GRIP2: variants seen among roughly 807,000 people sequenced by gnomAD.
The protein encoded by GRIP2 is glutamate receptor interacting protein 2.
GRIP2 carries 58 observed loss-of-function variants against 108.3 expected under a neutral mutation model. The observed-to-expected ratio is 0.54, with a 90% confidence interval of 0.43 to 0.67. GRIP2 has a LOEUF of 0.67. Among genes scored for constraint, GRIP2 ranks in the 30% least tolerant of loss-of-function variants. GRIP2 has a pLI of 0.00. For synonymous variants in GRIP2, 586 were observed against 598.2 expected, an observed-to-expected ratio of 0.98 and a Z score of 0.30; for missense variants, 1,278 against 1,430.6, an observed-to-expected ratio of 0.89 and a Z score of 1.72.
At chr3:14,569,672 C>T in the GRIP2 span, among the ~76,000 whole-genome samples, 1 of 152,168 alleles carries the variant, frequency 6.6e-6, no homozygotes, top group African/African-American at 2.4e-5. Flanking sequence ...CATGCCAGCG[C>T]CGCTTCCTCC....
chr3:14,507,122 A>G lies in GRIP2; in HGVS notation c.2219-142T>C. 1.3e-6 allele frequency: 1 copy of G among 799,564 alleles called. No individual in the cohort carries two copies. The highest frequency in any genetic ancestry group is 2.0e-6 in the Non-Finnish European group (1 of 508,368). 49.5% of individuals were successfully genotyped at this position (799,564 alleles called of 1,614,324 possible). ...ATGACCATGGCACACTAATAAGCAA[A>G]CCTGTTTCACAGATGGGAAAACTGA... On this transcript the variant is annotated intron_variant, in intron 18 of 23. Transcript: ENST00000621039. The surrounding 1 kb of genome is among the most constrained non-coding windows in gnomAD (Gnocchi z 4.6).
upstream of GRIP2, chr3:14,556,084 G>A (rs1050366324): frequency 2.8e-5 from 11 of 397,968 alleles, no homozygotes; most frequent in Non-Finnish European, 4.9e-5. Context: ...CCCTTCCTCC[G>A]CCCTCCCGGA....
Position 14,522,908 on chromosome 3 carries a change from G to T in GRIP2, c.566+92C>A. On this transcript the variant is annotated intron_variant, in intron 6 of 23. Transcript: ENST00000621039. The surrounding 1 kb of genome is among the most constrained non-coding windows in gnomAD (Gnocchi z 4.3). ...CCTCAGGGCCTCGATCTCTTCATCTGGGGAAGGGGCATGGTGACCCCACTC... is the reference window on the plus strand; with the variant it reads ...CCTCAGGGCCTCGATCTCTTCATCTTGGGAAGGGGCATGGTGACCCCACTC... The T allele has an allele frequency of 9.6e-7, 1 of 1,038,050 alleles. No homozygotes were observed. 64.3% of individuals were successfully genotyped at this position (1,038,050 alleles called of 1,614,324 possible). A position where few individuals can be genotyped will look rare whatever the true frequency, so the allele number is the denominator to read the frequency against.
Position 14,525,490 on chromosome 3 carries a change from G to C in GRIP2, c.204C>G (p.Asp68Glu). The change falls in exon 3 of 24, where the codon GAC becomes GAG. Residue 68 changes from aspartate to glutamate, a missense_variant. Physicochemically the swap from Asp to Glu is conservative, Grantham distance 45 (BLOSUM62 2). Coordinates refer to ENST00000621039, the MANE Select transcript of GRIP2 (RefSeq NM_001080423.4). Reference protein sequence around the residue: ...TLGLTISGGTDKDGKPRVSNL... With the variant: ...TLGLTISGGTEKDGKPRVSNL... ...TGGAGACCCTGGGCTTTCCATCCTT[G>C]TCGGTGCCACCTGAGATAGTCAGGC... The C allele has an allele frequency of 6.2e-7, 1 of 1,613,616 alleles. No homozygotes were observed. Among genetic ancestry groups the C allele is most frequent in the Non-Finnish European group, 8.5e-7 (1 of 1,179,836 alleles).
chr3:14,505,621 G>A lies in GRIP2; in HGVS notation c.2567C>T (p.Pro856Leu). ...CGGTGCTCCCACCACAGACCTCGTTGGCGGCTCCCAATCATCCTCCTCCTC... is the reference window on the plus strand; with the variant it reads ...CGGTGCTCCCACCACAGACCTCGTTAGCGGCTCCCAATCATCCTCCTCCTC... Reference protein sequence around the residue: ...EEEEEDDWEPPTSPAPGPARE... With the variant: ...EEEEEDDWEPLTSPAPGPARE... Residue 856 changes from proline (P) to leucine (L), a missense_variant, in exon 20 of 24, where the codon CCA becomes CTA. By Grantham distance (98) the Pro-to-Leu change is moderately conservative. Coordinates refer to ENST00000621039, the MANE Select transcript of GRIP2 (RefSeq NM_001080423.4). This position sits in a 1 kb window ranked among gnomAD's most constrained non-coding sequence, Gnocchi z 4.2. 4 of 1,610,028 alleles carry A rather than the reference G, an allele frequency of 2.5e-6. No homozygotes were observed. The highest frequency in any genetic ancestry group is 3.4e-6 in the Non-Finnish European group (4 of 1,178,228).
Position 14,499,166 on chromosome 3 carries a change from A to G in GRIP2, c.2680-2606T>C, listed in dbSNP as rs146610799. Among the ~76,000 whole-genome samples the G allele has an allele frequency of 1.4e-3, 213 of 152,296 alleles. 3 individuals carry two copies. The highest frequency in any genetic ancestry group is 5.0e-3 in the African/African-American group (208 of 41,556). On this transcript the variant is annotated intron_variant, in intron 21 of 23. Coordinates refer to ENST00000621039, the MANE Select transcript of GRIP2 (RefSeq NM_001080423.4). ...GGTGGGGCCGGAATCTGCCTTCCAC[A>G]ATAGTGCAGAAACACTGAGCTGAGG...
chr3:14,494,836 G>A lies in GRIP2; in HGVS notation c.2970+7C>T, dbSNP rs1202188162. The A allele has an allele frequency of 1.2e-6, 2 of 1,609,344 alleles. No homozygotes were observed. Among genetic ancestry groups the A allele is most frequent in the South Asian group, 1.1e-5 (1 of 90,700 alleles). ...CCCCCACTATGGAGCCCCTGCCCCA[G>A]CATTACCTGCAGGACCCTGTCGAAG... On this transcript the variant is annotated splice_region_variant and intron_variant, in intron 23 of 23. Coordinates refer to ENST00000621039, the MANE Select transcript of GRIP2 (RefSeq NM_001080423.4).
At chr3:14,572,446 A>G in the GRIP2 span, among the ~76,000 whole-genome samples, 1 of 150,894 alleles carries the variant, frequency 6.6e-6, no homozygotes. Context: ...CCCCGTCTCT[A>G]CTAAAAATAC....
intron 9 of GRIP2, among the ~76,000 whole-genome samples, chr3:14,519,078 G>A (rs929057256): frequency 6.6e-6 from 1 of 152,216 alleles, no homozygotes; most frequent in Non-Finnish European, 1.5e-5. Flanking sequence ...GAGGCGTGCA[G>A]GCCGCGGCAC....
At chr3:14,559,553 G>A (rs904980285), upstream of GRIP2, among the ~76,000 whole-genome samples, 3 of 151,978 alleles carry the variant, frequency 2.0e-5, no homozygotes, top group African/African-American at 2.4e-5. Context: ...GGCAGTGGTC[G>A]GTGTATTTCT....
At chr3:14,528,487 C>T (rs1694622132) in intron 1 of GRIP2, among the ~76,000 whole-genome samples, 1 of 152,098 alleles carries the variant, frequency 6.6e-6, no homozygotes, top group Non-Finnish European at 1.5e-5. Flanking sequence ...CATTTTGCAC[C>T]CGACCAACAA....
chr3:14,503,667 C>A lies in GRIP2; in HGVS notation c.2578G>T (p.Ala860Ser). 1 of 1,355,586 alleles carries A rather than the reference C, an allele frequency of 7.4e-7. No individual in the cohort carries two copies. The highest frequency in any genetic ancestry group is 9.8e-7 in the Non-Finnish European group (1 of 1,021,730). The allele number at this position is 1,355,586 out of a possible 1,614,324, so 84.0% of individuals were successfully genotyped here. The change falls in exon 21 of 24, where the codon GCC becomes TCC. Residue 860 changes from alanine to serine, a missense_variant. By Grantham distance (99) the Ala-to-Ser change is moderately conservative (BLOSUM62 1). Transcript: ENST00000621039. ...EDDWEPPTSP[A>S]PGPAREEGFW... ...CCCTCCTCTCGGGCAGGGCCAGGGGCTGGGCTGTAACGTAGGAACCAGAGA... is the reference window on the plus strand; with the variant it reads ...CCCTCCTCTCGGGCAGGGCCAGGGGATGGGCTGTAACGTAGGAACCAGAGA...
chr3:14,541,061 G>T (rs1694959272), upstream of GRIP2, among the ~76,000 whole-genome samples: 1 of 152,390 alleles, frequency 6.6e-6, no homozygotes, highest in African/African-American at 2.4e-5. Context: ...ACACCTGGCA[G>T]GCTCTGCCCC....
Position 14,505,109 on chromosome 3 carries a change from G to A in GRIP2, c.2573+506C>T, listed in dbSNP as rs12485528. Among the ~76,000 whole-genome samples, 1 of 152,144 alleles carries A rather than the reference G, an allele frequency of 6.6e-6. No homozygotes were observed. The highest frequency in any genetic ancestry group is 1.5e-5 in the Non-Finnish European group (1 of 68,012). On this transcript the variant is annotated intron_variant, in intron 20 of 23. Coordinates refer to ENST00000621039, the MANE Select transcript of GRIP2 (RefSeq NM_001080423.4). This position sits in a 1 kb window ranked among gnomAD's most constrained non-coding sequence, Gnocchi z 4.2. ...CAGGAGAGACCAGGGGAAAGGCATCGAGGCAGAAGGAACCGCCTGATCAAA... is the reference window on the plus strand; with the variant it reads ...CAGGAGAGACCAGGGGAAAGGCATCAAGGCAGAAGGAACCGCCTGATCAAA...
rs1694077691 is a variant in GRIP2, at chr3:14,511,140, T to G, written c.1933+25A>C. The G allele has an allele frequency of 1.9e-6, 3 of 1,611,860 alleles. No individual in the cohort carries two copies. Among genetic ancestry groups the G allele is most frequent in the Non-Finnish European group, 2.5e-6 (3 of 1,178,938 alleles). On this transcript the variant is annotated intron_variant, in intron 16 of 23. Coordinates refer to ENST00000621039, the MANE Select transcript of GRIP2 (RefSeq NM_001080423.4). The surrounding 1 kb of genome is among the most constrained non-coding windows in gnomAD (Gnocchi z 4.1). ...TAGTCAAAGGGTGGGCCTCTGGAGG[T>G]AGGAGGCCAGCATGAGGGCCATACC...
chr3:14,493,561 C>T lies in GRIP2; in HGVS notation c.*104G>A. The T allele has an allele frequency of 1.5e-6, 2 of 1,320,606 alleles. No homozygotes were observed. The highest frequency in any genetic ancestry group is 2.4e-5 in the Admixed American group (1 of 41,994). The allele number at this position is 1,320,606 out of a possible 1,614,324, so 81.8% of individuals were successfully genotyped here. A position where few individuals can be genotyped will look rare whatever the true frequency, so the allele number is the denominator to read the frequency against. ...CATCCCAGGCTCAGAGTCTGCCAGA[C>T]CAACAGATGAATGAGTGGGTGGCCG... On this transcript the variant is annotated 3_prime_UTR_variant, in exon 24 of 24. Coordinates refer to ENST00000621039, the MANE Select transcript of GRIP2 (RefSeq NM_001080423.4).
chr3:14,578,546 G>A, the GRIP2 span, among the ~76,000 whole-genome samples: 8 of 151,902 alleles, frequency 5.3e-5, no homozygotes, highest in African/African-American at 1.2e-4. Context: ...GTGAAATCCC[G>A]TCTCTACTAA....
intron 1 of GRIP2, among the ~76,000 whole-genome samples, chr3:14,535,059 C>G (rs766008555): frequency 2.0e-5 from 3 of 152,042 alleles, no homozygotes; most frequent in Admixed American, 2.0e-4. Context: ...AGAGGCTCCA[C>G]TTGGGGCGAA....
intron 22 of GRIP2, among the ~76,000 whole-genome samples, 161 bp from the exon 23 acceptor site, chr3:14,495,150 C>G (rs977416001): frequency 6.6e-6 from 1 of 152,054 alleles, no homozygotes; most frequent in African/African-American, 2.4e-5. Context: ...CAGCCACCCC[C>G]GCCACCCCGC....
Sources: gnomAD v4.1 joint callset for allele counts (sites outside exome capture counted in the v4.1 genomes callset) on GRCh38, gnomAD v4.1.1 for gene constraint, Gnocchi (gnomAD v3.1) non-coding constraint, MANE v1.5 for transcripts, NCBI Gene and HGNC (gene_info 2026-07-23, HGNC 2026-07-21) for gene names.